BARD1: variants seen among roughly 807,000 people sequenced by gnomAD.
BARD1 encodes BRCA1 associated RING domain 1.
A neutral mutation model predicts 77.0 loss-of-function variants in BARD1; 73 were observed. The ratio of observed to expected loss-of-function variants is 0.95; its 90% confidence interval spans 0.79 to 1.15. The LOEUF is 1.15. Among genes scored for constraint, BARD1 ranks in the 50% most tolerant of loss-of-function variants. The pLI, the probability that BARD1 is intolerant of heterozygous loss-of-function variation, is 0.00. For synonymous variants in BARD1, 384 were observed against 338.0 expected (o/e 1.14, Z -1.49); for missense variants, 993 against 938.8 (o/e 1.06, Z -0.75).
chr2:214,735,646 T>C (rs1472169541), intron 9 of BARD1, among the ~76,000 whole-genome samples: 1 of 152,170 alleles, frequency 6.6e-6, no homozygotes, highest in African/African-American at 2.4e-5. Context: ...ATCTGCTTAG[T>C]TTTCTAAAGG....
chr2:214,801,718 T>C (rs1428841650), intron 1 of BARD1, among the ~76,000 whole-genome samples: 2 of 152,140 alleles, frequency 1.3e-5, no homozygotes, highest in African/African-American at 2.4e-5. Flanking sequence ...CTAAGGGTCT[T>C]ATAATCTGGC....
intron 1 of BARD1, among the ~76,000 whole-genome samples, chr2:214,804,050 A>C (rs1276034588): frequency 6.6e-6 from 1 of 152,224 alleles, no homozygotes; most frequent in Non-Finnish European, 1.5e-5. Context: ...CTGCTATTTA[A>C]TATTAGGCAA....
intron 4 of BARD1, among the ~76,000 whole-genome samples, chr2:214,775,123 G>A (rs1450321761): frequency 2.0e-5 from 3 of 152,156 alleles, no homozygotes; most frequent in Non-Finnish European, 4.4e-5. Context: ...ATTCAACAGG[G>A]TAGCTCTTTT....
intron 1 of BARD1, among the ~76,000 whole-genome samples, chr2:214,802,559 G>A (rs551432488): frequency 6.6e-6 from 1 of 152,060 alleles, no homozygotes; most frequent in Admixed American, 6.5e-5. Flanking sequence ...TAAGACAAGA[G>A]ATCTTAACTT....
In BARD1 at chr2:214,767,467, C is replaced by G. The variant is rs145936354; in HGVS notation, c.1568+15G>C. ...AGGTCCATTTTAAAAATAATTTTTACGTTGAACTACTTACACAGCATTTCT... is the reference window on the plus strand; with the variant it reads ...AGGTCCATTTTAAAAATAATTTTTAGGTTGAACTACTTACACAGCATTTCT... On this transcript the variant is annotated intron_variant, in intron 6 of 10. Coordinates refer to ENST00000260947, the MANE Select transcript of BARD1 (RefSeq NM_000465.4). 6.2e-7 allele frequency: 1 copy of G among 1,610,120 alleles called. No homozygotes were observed. The highest frequency in any genetic ancestry group is 1.7e-5 in the Admixed American group (1 of 59,990).
intron 3 of BARD1, among the ~76,000 whole-genome samples, chr2:214,788,148 A>C (rs1472881992): frequency 6.6e-6 from 1 of 151,816 alleles, no homozygotes; most frequent in Non-Finnish European, 1.5e-5. Flanking sequence ...CAGAAAATAG[A>C]AAAGGAAATT....
intron 2 of BARD1, among the ~76,000 whole-genome samples, chr2:214,793,336 T>C (rs1272610040): frequency 6.6e-6 from 1 of 152,098 alleles, no homozygotes; most frequent in Non-Finnish European, 1.5e-5. Context: ...AGAATGTAAC[T>C]CAAAAAAAAT....
intron 6 of BARD1, among the ~76,000 whole-genome samples, chr2:214,766,160 T>A (rs1011633541): frequency 2.6e-5 from 4 of 152,198 alleles, no homozygotes; most frequent in African/African-American, 9.6e-5. Context: ...AAAATCTACA[T>A]ACAGCATTTG....
At chr2:214,750,533 A>T (rs1693356990) in intron 7 of BARD1, among the ~76,000 whole-genome samples, 1 of 152,022 alleles carries the variant, frequency 6.6e-6, no homozygotes, top group African/African-American at 2.4e-5. Context: ...TGCCATTCTC[A>T]CTTTGTACAC....
chr2:214,775,175 T>G (rs1694685434), intron 4 of BARD1, among the ~76,000 whole-genome samples: 1 of 152,230 alleles, frequency 6.6e-6, no homozygotes, highest in African/African-American at 2.4e-5. Flanking sequence ...ACAAATTGGC[T>G]GTTTGGCAAG....
intron 3 of BARD1, among the ~76,000 whole-genome samples, chr2:214,786,925 T>C (rs746038276): frequency 6.6e-6 from 1 of 151,978 alleles, no homozygotes; most frequent in African/African-American, 2.4e-5. Context: ...GGTAAGTAGA[T>C]TTCAAAACCA....
chr2:214,776,419 C>G lies in BARD1; in HGVS notation c.1314+4141G>C, dbSNP rs997916223. Among the ~76,000 whole-genome samples the G allele has an allele frequency of 3.9e-5, 6 of 152,144 alleles. No homozygotes were observed. The South Asian group carries it at 1.2e-3, about 31-fold the overall frequency. On this transcript the variant is annotated intron_variant, in intron 4 of 10. Transcript: ENST00000260947. The stretch of plus-strand genomic sequence containing the variant: ...TCTTAGTTTCTACTTACGCACAAAG[C>G]TTTCTCATAAACTCTCCCATTCATG...
intron 9 of BARD1, among the ~76,000 whole-genome samples, chr2:214,732,637 T>A (rs1692406668): frequency 6.6e-6 from 1 of 152,138 alleles, no homozygotes; most frequent in Non-Finnish European, 1.5e-5. Context: ...CCTCGTGATC[T>A]GCACACCTCA....
intron 7 of BARD1, among the ~76,000 whole-genome samples, chr2:214,751,767 C>T (rs1693465230): frequency 6.6e-6 from 1 of 152,174 alleles, no homozygotes; most frequent in African/African-American, 2.4e-5. Context: ...CAACAAATGG[C>T]ATTACCATCT....
At position 214,792,395 on chromosome 2, in the gene BARD1, G is replaced by C. The variant is rs780241203; in HGVS notation, c.266C>G (p.Pro89Arg). 1.2e-6 allele frequency: 2 copies of C among 1,611,884 alleles called. No homozygotes were observed. The highest frequency in any genetic ancestry group is 2.7e-5 in the African/African-American group (2 of 74,404). Reference sequence around the variant, plus strand: ...TATCTTCAAGTCTTGTATCCAGGCCGGGGTGTAACACACTGGACATCCAGT... The same window carrying C: ...TATCTTCAAGTCTTGTATCCAGGCCCGGGTGTAACACACTGGACATCCAGT... ...IGTGCPVCYT[P>R]AWIQDLKINR... Residue 89 changes from proline to arginine, a missense_variant, in exon 3 of 11, where the codon CCG (proline) becomes CGG (arginine). Coordinates refer to ENST00000260947, the MANE Select transcript of BARD1 (RefSeq NM_000465.4).
At chr2:214,732,812 C>T (rs1331350911) in intron 9 of BARD1, among the ~76,000 whole-genome samples, 1 of 152,106 alleles carries the variant, frequency 6.6e-6, no homozygotes, top group Non-Finnish European at 1.5e-5. Flanking sequence ...ATGGCATAAT[C>T]GGTTTTAAAC....
At chr2:214,745,972 T>A (rs1201044546) in intron 7 of BARD1, 118 bp from the exon 8 acceptor site, 1 of 1,202,654 alleles carries the variant, frequency 8.3e-7, no homozygotes, top group Non-Finnish European at 1.2e-6. Context: ...TCTAATAATT[T>A]TCAATTATTT....
At chr2:214,772,960 C>G (rs1448763514) in intron 4 of BARD1, among the ~76,000 whole-genome samples, 1 of 152,142 alleles carries the variant, frequency 6.6e-6, no homozygotes, top group Non-Finnish European at 1.5e-5. Context: ...TAAACCACAG[C>G]AAACATAATT....
intron 1 of BARD1, among the ~76,000 whole-genome samples, chr2:214,807,820 C>G (rs1484030586): frequency 1.3e-5 from 2 of 152,160 alleles, no homozygotes; most frequent in African/African-American, 4.8e-5. Flanking sequence ...TAAGTGAAGC[C>G]CGATGCTTCC....
Sources: gnomAD v4.1 joint callset for allele counts (sites outside exome capture counted in the v4.1 genomes callset) on GRCh38, gnomAD v4.1.1 for gene constraint, MANE v1.5 for transcripts, NCBI Gene and HGNC (gene_info 2026-07-23, HGNC 2026-07-21) for gene names.